Variants in USH2A observed in about 807,000 individuals in gnomAD.
USH2A encodes Usher syndrome 2A (autosomal recessive, mild).
Under a neutral mutation model 538.9 loss-of-function variants are expected in USH2A, and 443 were observed. That is an observed-to-expected ratio of 0.82 (90% CI 0.76 to 0.89). The LOEUF is 0.89. Ranked by LOEUF, USH2A falls within the 40% of genes least tolerant of loss-of-function variation. The probability of loss-of-function intolerance (pLI) is 0.00; values close to 1 mark genes in which losing one functional copy is unlikely to be tolerated. For missense variants in USH2A, 6,633 were observed against 6,324.8 expected (o/e 1.05, Z -1.65); for synonymous variants, 2,413 against 2,273.5 (o/e 1.06, Z -1.75).
At chr1:216,195,398 G>A (rs1046764048) in intron 19 of USH2A, among the ~76,000 whole-genome samples, 3 of 152,108 alleles carry the variant, frequency 2.0e-5, no homozygotes, top group African/African-American at 7.2e-5. Context: ...GCAGAATTTA[G>A]TTTACAGATA....
intron 22 of USH2A, among the ~76,000 whole-genome samples, chr1:216,089,633 C>A (rs2032245933): frequency 6.6e-6 from 1 of 151,828 alleles, no homozygotes; most frequent in Admixed American, 6.6e-5. Flanking sequence ...TAAAAACTAG[C>A]CAGTTGTGAT....
intron 61 of USH2A, among the ~76,000 whole-genome samples, chr1:215,700,394 CTT>C (rs1219381198): frequency 6.6e-6 from 1 of 152,168 alleles, no homozygotes. Flanking sequence ...ACCAGCTCCT[CTT>C]TGTACCTCTG....
intron 21 of USH2A, among the ~76,000 whole-genome samples, chr1:216,132,544 C>A (rs907889964): frequency 6.6e-6 from 1 of 151,970 alleles, no homozygotes. Context: ...AACTAGTGAC[C>A]CCCACTCTTC....
intron 60 of USH2A, among the ~76,000 whole-genome samples, chr1:215,738,540 T>G (rs1308871288): frequency 6.6e-6 from 1 of 152,146 alleles, no homozygotes; most frequent in African/African-American, 2.4e-5. Flanking sequence ...TTTAGGTTAT[T>G]TTGCTTTGTT....
chr1:215,630,358 C>T (rs1656221903), intron 70 of USH2A: 33 of 438,366 alleles, frequency 7.5e-5, no homozygotes, highest in South Asian at 5.5e-4. Context: ...ATATTTAATA[C>T]TGCTCTGATG....
At chr1:216,036,581 T>C (rs2102516094) in intron 32 of USH2A, among the ~76,000 whole-genome samples, 1 of 152,268 alleles carries the variant, frequency 6.6e-6, no homozygotes, top group South Asian at 2.1e-4. Flanking sequence ...CACACAACAT[T>C]ACATTGTTGG....
chr1:215,900,011 A>T, intron 40 of USH2A, 64 bp downstream of exon 40: 1 of 1,609,194 alleles, frequency 6.2e-7, no homozygotes. Flanking sequence ...TTTGGAAAAA[A>T]TTGAAGACAT....
chr1:215,724,532 G>C (rs1659755967), intron 61 of USH2A, among the ~76,000 whole-genome samples: 1 of 152,048 alleles, frequency 6.6e-6, no homozygotes, highest in Admixed American at 6.5e-5. Flanking sequence ...TTATTTGTGC[G>C]ACGGTTACAC....
intron 16 of USH2A, among the ~76,000 whole-genome samples, chr1:216,206,827 AC>A (rs1236287386): frequency 6.6e-6 from 1 of 152,194 alleles, no homozygotes; most frequent in Non-Finnish European, 1.5e-5. Context: ...ATAGGTATGG[AC>A]ATCTTGTGTG....
At chr1:216,353,377 C>T (rs2038323463) in intron 4 of USH2A, among the ~76,000 whole-genome samples, 1 of 151,754 alleles carries the variant, frequency 6.6e-6, no homozygotes, top group African/African-American at 2.4e-5. Flanking sequence ...GCCACATGAT[C>T]ATTAGTGAAA....
chr1:216,063,556 G>T (rs1237819223), intron 30 of USH2A, among the ~76,000 whole-genome samples: 1 of 152,260 alleles, frequency 6.6e-6, no homozygotes, highest in Non-Finnish European at 1.5e-5. Context: ...ACATTGGCAA[G>T]AAATGTAGTG....
intron 49 of USH2A, among the ~76,000 whole-genome samples, chr1:215,804,784 G>C (rs151138498): frequency 0.018 from 2,747 of 152,174 alleles, 88 homozygotes; most frequent in African/African-American, 0.063. Context: ...CCATTACTGG[G>C]TACATACTCA....
chr1:215,663,763 G>A (rs1335034538), intron 64 of USH2A, among the ~76,000 whole-genome samples: 2 of 152,060 alleles, frequency 1.3e-5, no homozygotes, highest in Non-Finnish European at 2.9e-5. Flanking sequence ...ATTGTTATAT[G>A]GGCGAAGTGG....
chr1:216,242,536 A>G (rs1016280265), intron 13 of USH2A, among the ~76,000 whole-genome samples: 30 of 152,042 alleles, frequency 2.0e-4, no homozygotes, highest in African/African-American at 7.2e-4. Context: ...ATGAGAAAAA[A>G]TGCAAAAGAG....
chr1:216,013,708 G>A (rs954838470), intron 32 of USH2A, among the ~76,000 whole-genome samples: 4 of 150,836 alleles, frequency 2.7e-5, no homozygotes, highest in Non-Finnish European at 5.9e-5. Flanking sequence ...CCCTTTGACT[G>A]TAATTTTCCT....
chr1:216,094,308 A>C (rs777181684), intron 22 of USH2A, among the ~76,000 whole-genome samples: 1 of 152,180 alleles, frequency 6.6e-6, no homozygotes, highest in Admixed American at 6.6e-5. Flanking sequence ...TTGAAATCAA[A>C]CATTTGCCCT....
chr1:216,176,964 C>G (rs2034398725), intron 20 of USH2A, among the ~76,000 whole-genome samples: 3 of 152,044 alleles, frequency 2.0e-5, no homozygotes, highest in South Asian at 4.1e-4. Context: ...ATGAAATATC[C>G]TGGTTGTTTC....
chr1:216,155,983 C>T (rs2033929301), intron 21 of USH2A, among the ~76,000 whole-genome samples: 2 of 151,850 alleles, frequency 1.3e-5, no homozygotes, highest in Admixed American at 1.3e-4. Flanking sequence ...ATCAGCATGC[C>T]CTTCTTAAAA....
At chr1:215,835,242 T>C (rs1309777342) in intron 47 of USH2A, among the ~76,000 whole-genome samples, 1 of 148,252 alleles carries the variant, frequency 6.7e-6, no homozygotes, top group Non-Finnish European at 1.5e-5. Flanking sequence ...CATACTTCCC[T>C]ACTGGGTGAC....
Sources: gnomAD v4.1 joint callset for allele counts (sites outside exome capture counted in the v4.1 genomes callset) on GRCh38, gnomAD v4.1.1 for gene constraint, MANE v1.5 for transcripts, NCBI Gene and HGNC (gene_info 2026-07-23, HGNC 2026-07-21) for gene names.